Variants in PMPCB observed in about 807,000 individuals in gnomAD.
The protein encoded by PMPCB is peptidase, mitochondrial processing subunit beta, also known as mitochondrial-processing peptidase subunit beta.
In PMPCB, 46 loss-of-function variants were observed where a neutral mutation model predicts 61.5. The observed-to-expected ratio is 0.75, with a 90% CI of 0.59 to 0.96. The LOEUF is 0.96. Among genes scored for constraint, PMPCB ranks in the 40% least tolerant of loss-of-function variants. PMPCB has a pLI of 0.00. For synonymous variants in PMPCB, 191 were observed against 201.6 expected (o/e 0.95, Z 0.44); for missense variants, 590 against 602.4 (o/e 0.98, Z 0.22).
chr7:103,304,366 T>G (rs762481610), intron 5 of PMPCB, 45 bp from the exon 6 acceptor site: 22 of 935,390 alleles, frequency 2.4e-5, no homozygotes, highest in East Asian at 5.3e-5. Context: ...TGAAGATCTG[T>G]TTTTTTTTTG....
At chr7:103,335,571 T>A in the PMPCB span, 2 of 151,272 alleles carry the variant, frequency 1.3e-5, no homozygotes, top group Non-Finnish European at 2.9e-5. Context: ...AGAGTCTCAC[T>A]CTCTCACTCT....
intron 6 of PMPCB, among the ~76,000 whole-genome samples, chr7:103,306,007 A>C (rs1455815904): frequency 6.6e-6 from 1 of 152,216 alleles, no homozygotes; most frequent in Non-Finnish European, 1.5e-5. Context: ...TCTTTAGTTT[A>C]ATGGCTTATA....
intron 12 of PMPCB, chr7:103,323,758 T>G: frequency 2.1e-6 from 2 of 946,402 alleles, no homozygotes; most frequent in Non-Finnish European, 2.9e-6. Context: ...ATGGATACCT[T>G]TCCTTCCCTT....
At position 103,313,358 on chromosome 7, in the gene PMPCB, C is replaced by G; in HGVS notation, c.*1087C>G. The G allele has an allele frequency of 8.7e-7, 1 of 1,147,600 alleles. No homozygotes were observed. The allele number at this position is 1,147,600 out of a possible 1,614,324, so 71.1% of individuals were successfully genotyped here. ...TAAAGATCTACCTTGTACTGTTTAT[C>G]TCTTAAAAATCAATGTAATACACTC... On this transcript the variant is annotated 3_prime_UTR_variant, in exon 13 of 13. Transcript: ENST00000249269.
the PMPCB span, chr7:103,341,993 C>T: frequency 7.0e-7 from 1 of 1,437,112 alleles, no homozygotes; most frequent in Non-Finnish European, 9.3e-7. Context: ...CAGTGTATCG[C>T]ATGGAATAAA....
chr7:103,332,411 A>C (rs1327374445), downstream of PMPCB, among the ~76,000 whole-genome samples: 1 of 152,110 alleles, frequency 6.6e-6, no homozygotes, highest in Non-Finnish European at 1.5e-5. Flanking sequence ...TTGCATACTC[A>C]GATTACATTA....
chr7:103,313,645 T>C lies in PMPCB; in HGVS notation c.*1374T>C, dbSNP rs1433770196. The C allele has an allele frequency of 2.9e-5, 29 of 985,432 alleles. No individual in the cohort carries two copies. Among genetic ancestry groups the C allele is most frequent in the Middle Eastern group, 5.2e-4 (1 of 1,914 alleles). The allele number at this position is 985,432 out of a possible 1,614,324, so 61.0% of individuals were successfully genotyped here. On this transcript the variant is annotated 3_prime_UTR_variant, in exon 13 of 13. Coordinates refer to ENST00000249269, the MANE Select transcript of PMPCB (RefSeq NM_004279.3). Reference sequence around the variant, plus strand: ...GAGGCAAGCTGAGATTAGATTGTGTTGTAGTGTGGTGTTCTCTTCGTCACA... The same window carrying C: ...GAGGCAAGCTGAGATTAGATTGTGTCGTAGTGTGGTGTTCTCTTCGTCACA...
At chr7:103,311,304 T>C (rs1409311166) in intron 9 of PMPCB, 2 of 250,822 alleles carry the variant, frequency 8.0e-6, no homozygotes, top group Non-Finnish European at 1.5e-5. Flanking sequence ...TACTCATTGT[T>C]TTCAGAAACC....
At chr7:103,344,851 T>TC in the PMPCB span, 10 of 591,098 alleles carry the variant, frequency 1.7e-5, no homozygotes, top group Non-Finnish European at 3.0e-5. Context: ...GTAACCTAGT[T>TC]CTATACTGAC....
chr7:103,306,919 C>T (rs1210030564), intron 6 of PMPCB, among the ~76,000 whole-genome samples: 3 of 152,074 alleles, frequency 2.0e-5, no homozygotes, highest in Non-Finnish European at 4.4e-5. Flanking sequence ...CTACCATGCC[C>T]AGCTAATTTT....
chr7:103,332,971 G>C (rs891853107), downstream of PMPCB, among the ~76,000 whole-genome samples: 2 of 152,092 alleles, frequency 1.3e-5, no homozygotes, highest in African/African-American at 4.8e-5. Flanking sequence ...TGAAATGCTT[G>C]GGACCAAAAG....
At chr7:103,299,950 A>T (rs946028426) in intron 3 of PMPCB, among the ~76,000 whole-genome samples, 1 of 152,084 alleles carries the variant, frequency 6.6e-6, no homozygotes, top group African/African-American at 2.4e-5. Flanking sequence ...TCATAGAGAT[A>T]GGGTTTTGCC....
chr7:103,333,685 A>G (rs1819057630), downstream of PMPCB, among the ~76,000 whole-genome samples: 1 of 152,212 alleles, frequency 6.6e-6, no homozygotes, highest in Non-Finnish European at 1.5e-5. Context: ...CAGCTGAGGC[A>G]ACCGTTTTCT....
intron 7 of PMPCB, 82 bp from the exon 8 acceptor site, chr7:103,308,870 G>T (rs1249242744): frequency 8.9e-7 from 1 of 1,122,408 alleles, no homozygotes; most frequent in Admixed American, 2.7e-5. Flanking sequence ...CAGTTAATGG[G>T]ACTGGTGATT....
chr7:103,306,282 CAAGT>C (rs1254930805), intron 6 of PMPCB, among the ~76,000 whole-genome samples: 3 of 151,608 alleles, frequency 2.0e-5, no homozygotes, highest in Non-Finnish European at 2.9e-5. Flanking sequence ...ATTTGGGTCT[CAAGT>C]AAGGGATATA....
chr7:103,340,957 G>C, the PMPCB span, among the ~76,000 whole-genome samples: 30 of 152,220 alleles, frequency 2.0e-4, no homozygotes, highest in African/African-American at 7.0e-4. Context: ...TCCCAGCATT[G>C]GTTACTGACC....
downstream of PMPCB, chr7:103,317,026 T>G (rs747452026): frequency 6.2e-7 from 1 of 1,609,858 alleles, no homozygotes; most frequent in South Asian, 1.1e-5. Flanking sequence ...TGCACAAATA[T>G]CATAAGTCAG....
chr7:103,310,084 A>G (rs538027107), intron 8 of PMPCB, among the ~76,000 whole-genome samples: 22 of 152,362 alleles, frequency 1.4e-4, no homozygotes, highest in Non-Finnish European at 2.8e-4. Context: ...TACATTAATT[A>G]TAAGGACTCA....
chr7:103,311,960 T>A (rs575784271), intron 11 of PMPCB, 64 bp downstream of exon 11: 2 of 1,516,526 alleles, frequency 1.3e-6, no homozygotes, highest in Non-Finnish European at 1.8e-6. Flanking sequence ...AAGCTGAGAA[T>A]ATGTATCTTT....
Sources: allele counts gnomAD v4.1 joint callset (sites outside exome capture counted in the v4.1 genomes callset), GRCh38; gene constraint gnomAD v4.1.1; transcripts MANE v1.5; gene names NCBI Gene and HGNC (gene_info 2026-07-23, HGNC 2026-07-21).